Variants in PSME4 observed in about 807,000 individuals in gnomAD.
PSME4 encodes proteasome activator complex subunit 4.
In PSME4, 89 loss-of-function variants were observed where a neutral mutation model predicts 253.9. That is an observed-to-expected ratio of 0.35 (90% CI 0.30 to 0.42). The LOEUF (loss-of-function observed/expected upper bound fraction) is 0.42. PSME4 is among the 10% of genes least tolerant of loss of function. PSME4 has a pLI of 1.00. For synonymous variants in PSME4, 851 were observed against 759.2 expected, an observed-to-expected ratio of 1.12 and a Z score of -1.99; for missense variants, 2,014 against 2,195.2, an observed-to-expected ratio of 0.92 and a Z score of 1.65.
rs772789209 is a variant in PSME4 at position 53,919,183 on chromosome 2, T to C, written c.2484A>G (p.Leu828=). 3.8e-5 allele frequency: 62 copies of C among 1,612,172 alleles called. No individual in the cohort carries two copies. Among genetic ancestry groups the C allele is most frequent in the Non-Finnish European group, 4.2e-5 (50 of 1,179,394 alleles). Residue 828 remains leucine, a synonymous_variant, in exon 20 of 47, where the codon CTA becomes CTG. Transcript: ENST00000404125. ...HNCLIGSGNL[L]PPLKGEPVTN... is the part of the protein sequence containing the mutation. ...TAACTGGCTCTCCTTTCAACGGAGGTAGGAGGTTTCCAGAGCCAATTAAAC... is the reference window on the plus strand; with the variant it reads ...TAACTGGCTCTCCTTTCAACGGAGGCAGGAGGTTTCCAGAGCCAATTAAAC...
chr2:53,949,412 G>T, intron 1 of PSME4, 129 bp from the exon 2 acceptor site: 1 of 488,744 alleles, frequency 2.0e-6, no homozygotes, highest in Admixed American at 4.0e-5. Flanking sequence ...GAATGGATAA[G>T]GAAAATGTGG....
intron 2 of PSME4, among the ~76,000 whole-genome samples, chr2:53,948,859 A>G (rs1421233557): frequency 6.6e-6 from 1 of 152,252 alleles, no homozygotes; most frequent in Admixed American, 6.5e-5. Flanking sequence ...CAGGGTAAGC[A>G]AAAGAATCCA....
At chr2:53,918,770 CT>C (rs996977496) in intron 20 of PSME4, among the ~76,000 whole-genome samples, 16 of 151,546 alleles carry the variant, frequency 1.1e-4, no homozygotes, top group East Asian at 5.8e-4. Flanking sequence ...TTGAAGAAAT[CT>C]TTTTTTTTAA....
rs199854017 is a variant in PSME4 at position 53,866,807 on chromosome 2, G to T, written c.5337C>A (p.Thr1779=). 2.4e-5 allele frequency: 39 copies of T among 1,613,988 alleles called. 1 individual carries two copies. In the East Asian group the frequency reaches 8.7e-4, roughly 36 times the overall value. The change falls in exon 45 of 47, where the codon ACC becomes ACA. Residue 1779 remains threonine (T), a synonymous_variant. Transcript: ENST00000404125. ...GATTCATGAGGAGCTGGGGCATCCA[G>T]GTGGGAACATCGTAAGGACTAGAAA... ...CVLSSPYDVP[T]WMPQLLMNLS...
At chr2:53,907,087 C>A (rs545906108) in intron 24 of PSME4, among the ~76,000 whole-genome samples, 1 of 152,178 alleles carries the variant, frequency 6.6e-6, no homozygotes, top group African/African-American at 2.4e-5. Context: ...ATAGCCCATC[C>A]AACACCCTGT....
chr2:53,867,794 G>GC (rs1553401761), intron 44 of PSME4, among the ~76,000 whole-genome samples: 4 of 148,330 alleles, frequency 2.7e-5, no homozygotes, highest in Admixed American at 6.7e-5. Context: ...AATTAGCGTG[G>GC]TTTTTTTTTT....
Position 53,927,397 on chromosome 2 carries a change from T to A in PSME4, c.1590A>T (p.Thr530=), listed in dbSNP as rs1380736534. 1 of 1,555,266 alleles carries A rather than the reference T, an allele frequency of 6.4e-7. No homozygotes were observed. The highest frequency in any genetic ancestry group is 2.2e-5 in the East Asian group (1 of 44,548). ...TATAACCATAAAATACCCTTACTTC[T>A]GTGAGGTCATTTCTTTCTTGTAGTA... ...SSVLQERNDL[T]EVERELCSAT... Residue 530 remains threonine, a synonymous_variant, in exon 12 of 47, where the codon ACA becomes ACT. Transcript: ENST00000404125.
At position 53,866,089 on chromosome 2, in the gene PSME4, C is replaced by T; in HGVS notation, c.5532G>A (p.Ter1844=). The T allele has an allele frequency of 6.2e-7, 1 of 1,608,996 alleles. No homozygotes were observed. The highest frequency in any genetic ancestry group is 8.5e-7 in the Non-Finnish European group (1 of 1,177,002). Residue 1844 remains the stop codon, a stop_retained_variant, in exon 46 of 47, where the codon TAG becomes TAA. Coordinates refer to ENST00000404125, the MANE Select transcript of PSME4 (RefSeq NM_014614.3). The part of the protein sequence containing the change: ...DLLVSPCYYA[*] ...TTCAGAACTTTGCTGACTTACCTTTCTATGCATAATAGCATGGTGACACAA... is the reference window on the plus strand; with the variant it reads ...TTCAGAACTTTGCTGACTTACCTTTTTATGCATAATAGCATGGTGACACAA...
intron 41 of PSME4, among the ~76,000 whole-genome samples, chr2:53,877,398 G>A (rs1280560120): frequency 2.0e-5 from 3 of 151,720 alleles, no homozygotes; most frequent in Non-Finnish European, 4.4e-5. Flanking sequence ...GGGTGACAGA[G>A]TGATACCCTG....
chr2:53,963,240 C>A (rs901426760), intron 1 of PSME4, among the ~76,000 whole-genome samples: 2 of 151,738 alleles, frequency 1.3e-5, no homozygotes, highest in Non-Finnish European at 2.9e-5. Context: ...ATGGGAGGAT[C>A]GCTCGAGGCC....
Position 53,901,565 on chromosome 2 carries a change from G to GAA in PSME4, c.3076-8_3076-7dup. The GAA allele has an allele frequency of 6.4e-7, 1 of 1,557,140 alleles. No homozygotes were observed. The highest frequency in any genetic ancestry group is 1.2e-5 in the South Asian group (1 of 84,868). The stretch of plus-strand genomic sequence containing the variant: ...AGGAGACAGTACAAGGCACCCTGCA[G>GAA]AAAAAAAAATATATATATGTTTACA... On this transcript the variant is annotated splice_region_variant and splice_polypyrimidine_tract_variant and intron_variant, in intron 27 of 46. Transcript: ENST00000404125.
At chr2:53,940,702 T>C (rs1216240929) in intron 3 of PSME4, among the ~76,000 whole-genome samples, 1 of 151,192 alleles carries the variant, frequency 6.6e-6, no homozygotes, top group East Asian at 1.9e-4. Flanking sequence ...AAATATTTAC[T>C]AGATCATAGT....
At chr2:53,869,658 G>A in intron 43 of PSME4, 120 bp from the exon 44 acceptor site, 1 of 744,702 alleles carries the variant, frequency 1.3e-6, no homozygotes, top group Non-Finnish European at 2.0e-6. Context: ...CAAATTTTGT[G>A]TATGCTCTTT....
chr2:53,930,009 G>A (rs929995868), intron 10 of PSME4, among the ~76,000 whole-genome samples: 4 of 151,646 alleles, frequency 2.6e-5, no homozygotes, highest in Non-Finnish European at 4.4e-5. Context: ...CAGAGCAAGA[G>A]TCTGTCTCTA....
chr2:53,894,089 G>GT lies in PSME4; in HGVS notation c.3913-291dup, dbSNP rs1680032986. On this transcript the variant is annotated intron_variant, in intron 34 of 46. Coordinates refer to ENST00000404125, the MANE Select transcript of PSME4 (RefSeq NM_014614.3). ...TGGGAAATGAAGACTGAAAGCCACT[G>GT]TAACACCTGGTGTGCAATTTGTTAA... Among the ~76,000 whole-genome samples, 7 of 152,228 alleles carry GT rather than the reference G, an allele frequency of 4.6e-5. No individual in the cohort carries two copies. The South Asian group carries it at 1.2e-3, about 27-fold the overall frequency.
intron 4 of PSME4, 99 bp downstream of exon 4, chr2:53,939,857 G>C: frequency 9.7e-7 from 1 of 1,029,772 alleles, no homozygotes. Context: ...ACAATGTCAG[G>C]AACTATTTAT....
intron 1 of PSME4, among the ~76,000 whole-genome samples, chr2:53,954,995 C>T (rs1670166664): frequency 6.6e-6 from 1 of 151,812 alleles, no homozygotes; most frequent in Admixed American, 6.6e-5. Flanking sequence ...GCCTGGGTAA[C>T]AAGGAGACCC....
chr2:53,946,849 G>C (rs1474507880), intron 3 of PSME4, among the ~76,000 whole-genome samples: 1 of 152,066 alleles, frequency 6.6e-6, no homozygotes, highest in Non-Finnish European at 1.5e-5. Context: ...AGGAGGTCAA[G>C]GCTGTGGTGA....
In PSME4 at chr2:53,921,121, A is replaced by G. The variant is rs771596967; in HGVS notation, c.2047-17T>C. The G allele has an allele frequency of 1.9e-6, 3 of 1,612,440 alleles. No homozygotes were observed. The highest frequency in any genetic ancestry group is 2.5e-6 in the Non-Finnish European group (3 of 1,179,834). On this transcript the variant is annotated splice_polypyrimidine_tract_variant and intron_variant, in intron 17 of 46. Coordinates refer to ENST00000404125, the MANE Select transcript of PSME4 (RefSeq NM_014614.3). ...TCGAGTAATCTAAAAGGAGGGAAAA[A>G]ATAGTTGAAGATATTTTGGTTAAAA...
Sources: allele counts gnomAD v4.1 joint callset (sites outside exome capture counted in the v4.1 genomes callset), GRCh38; gene constraint gnomAD v4.1.1; transcripts MANE v1.5; gene names NCBI Gene and HGNC (gene_info 2026-07-23, HGNC 2026-07-21).